Variants in COL23A1 observed in about 807,000 individuals in gnomAD.
COL23A1 encodes the protein collagen alpha-1(XXIII) chain.
A neutral mutation model predicts 99.3 loss-of-function variants in COL23A1; 97 were observed. The observed-to-expected ratio is 0.98, with a 90% CI of 0.83 to 1.16. The LOEUF (loss-of-function observed/expected upper bound fraction) is 1.16. Ranked by LOEUF, COL23A1 falls within the 50% of genes most tolerant of loss-of-function variation. The pLI is 0.00. For synonymous variants in COL23A1, 320 were observed against 308.2 expected (o/e 1.04, Z -0.40); for missense variants, 762 against 757.4 (o/e 1.01, Z -0.07).
rs555838363 is a variant in COL23A1 at position 178,313,362 on chromosome 5, T to C, written c.362-6443A>G. On this transcript the variant is annotated intron_variant, in intron 2 of 28. Transcript: ENST00000390654. This position sits in a 1 kb window ranked among gnomAD's most constrained non-coding sequence, Gnocchi z 4.2. ...AAGACGGGAAATGTTATGGTATGTG[T>C]ATTTTATCACAATTAAAGAAAACAA... Among the ~76,000 whole-genome samples, 20 of 152,302 alleles carry C rather than the reference T, an allele frequency of 1.3e-4. 1 individual carries two copies. In the South Asian group the frequency reaches 3.9e-3, roughly 30 times the overall value.
At chr5:178,581,580 A>C (rs1763663239) in intron 1 of COL23A1, among the ~76,000 whole-genome samples, 1 of 151,250 alleles carries the variant, frequency 6.6e-6, no homozygotes, top group African/African-American at 2.5e-5. Context: ...AAAAAAAAAA[A>C]AATTAAAACG....
intron 2 of COL23A1, among the ~76,000 whole-genome samples, chr5:178,495,617 T>C (rs1758156456): frequency 1.3e-5 from 2 of 151,756 alleles, no homozygotes; most frequent in African/African-American, 4.8e-5. Flanking sequence ...CCTCAGATTA[T>C]GAGGGAGGCT....
At chr5:178,577,121 G>A (rs918968211) in intron 1 of COL23A1, among the ~76,000 whole-genome samples, 25 of 152,132 alleles carry the variant, frequency 1.6e-4, no homozygotes, top group African/African-American at 5.8e-4. Flanking sequence ...GGCGCTCCTC[G>A]CTCAGCCCAA....
intron 2 of COL23A1, among the ~76,000 whole-genome samples, chr5:178,436,543 C>T (rs1258158184): frequency 6.6e-6 from 1 of 152,200 alleles, no homozygotes; most frequent in East Asian, 1.9e-4. Context: ...ACTGTGTGTT[C>T]TTCCCAAAAT....
chr5:178,300,555 C>CTT (rs545299945), intron 3 of COL23A1, among the ~76,000 whole-genome samples: 3 of 143,924 alleles, frequency 2.1e-5, no homozygotes, highest in African/African-American at 5.1e-5. Flanking sequence ...TTTCAAGATT[C>CTT]TTTTTTTTTT....
At chr5:178,241,476 T>C (rs1203893159) in intron 27 of COL23A1, among the ~76,000 whole-genome samples, 1 of 152,104 alleles carries the variant, frequency 6.6e-6, no homozygotes, top group Non-Finnish European at 1.5e-5. Flanking sequence ...CCGTCTGTGC[T>C]TGGGGAAGCT....
chr5:178,428,064 C>T lies in COL23A1; in HGVS notation c.362-121145G>A, dbSNP rs1766048513. Reference sequence around the variant, plus strand: ...AAGGAGTATTAGGAAGCCAATTTGGCTCTGGTCCAAGCCCTCTCCTCCAGT... The same window carrying T: ...AAGGAGTATTAGGAAGCCAATTTGGTTCTGGTCCAAGCCCTCTCCTCCAGT... On this transcript the variant is annotated intron_variant, in intron 2 of 28. Coordinates refer to ENST00000390654, the MANE Select transcript of COL23A1 (RefSeq NM_173465.4). The surrounding 1 kb of genome is among the most constrained non-coding windows in gnomAD (Gnocchi z 5.0). Among the ~76,000 whole-genome samples the T allele has an allele frequency of 6.6e-6, 1 of 152,258 alleles. No homozygotes were observed. Among genetic ancestry groups the T allele is most frequent in the Non-Finnish European group, 1.5e-5 (1 of 68,014 alleles).
chr5:178,338,438 A>T (rs1760467833), intron 2 of COL23A1, among the ~76,000 whole-genome samples: 1 of 152,198 alleles, frequency 6.6e-6, no homozygotes, highest in African/African-American at 2.4e-5. Flanking sequence ...CGCAAAGAGC[A>T]TGGTACTGTG....
chr5:178,562,985 C>A (rs1762678928), intron 1 of COL23A1, among the ~76,000 whole-genome samples: 2 of 152,176 alleles, frequency 1.3e-5, no homozygotes, highest in South Asian at 4.1e-4. Context: ...GTGCATTTTA[C>A]AAACCTCTTG....
intron 2 of COL23A1, among the ~76,000 whole-genome samples, chr5:178,360,345 C>T (rs1325145982): frequency 6.6e-6 from 1 of 152,194 alleles, no homozygotes; most frequent in African/African-American, 2.4e-5. Flanking sequence ...TATTAGATTG[C>T]AAAATCTTTT....
In COL23A1 at chr5:178,560,755, CG is replaced by C. The variant is rs1266345802; in HGVS notation, c.295-8del. 3.1e-6 allele frequency: 5 copies of C among 1,593,570 alleles called. No individual in the cohort carries two copies. Among genetic ancestry groups the C allele is most frequent in the East Asian group, 2.2e-5 (1 of 44,552 alleles). ...TCGCTAGTCCGTCCAACTTCTGAGC[CG>C]GAAAAAAAAAAAGAAAAAAAACGAG... On this transcript the variant is annotated splice_polypyrimidine_tract_variant and splice_region_variant and intron_variant, in intron 1 of 28. Transcript: ENST00000390654.
At chr5:178,259,796 A>G in intron 11 of COL23A1, 49 bp from the exon 12 acceptor site, 1 of 1,551,806 alleles carries the variant, frequency 6.4e-7, no homozygotes, top group Non-Finnish European at 8.8e-7. Context: ...ACCATAGGAG[A>G]GTGGCCCGGA....
At chr5:178,250,835 G>C (rs1329938557) in intron 17 of COL23A1, among the ~76,000 whole-genome samples, 3 of 152,002 alleles carry the variant, frequency 2.0e-5, no homozygotes, top group Admixed American at 6.5e-5. Context: ...ATAAAAATTA[G>C]CTGGGCTTGG....
At position 178,408,987 on chromosome 5, in the gene COL23A1, C is replaced by A. The variant is rs868293927; in HGVS notation, c.362-102068G>T. Among the ~76,000 whole-genome samples, 163 of 129,312 alleles carry A rather than the reference C, an allele frequency of 1.3e-3. 2 individuals are homozygous for A. Among genetic ancestry groups the A allele is most frequent in the Middle Eastern group, 7.6e-3 (2 of 264 alleles). The allele number at this position is 129,312 out of a possible 152,430, so 84.8% of individuals were successfully genotyped here. On this transcript the variant is annotated intron_variant, in intron 2 of 28. Transcript: ENST00000390654. ...AAAAAAAAAAAAATACACACACACA[C>A]ACACACACACACACACACACACACA...
Position 178,277,304 on chromosome 5 carries a change from T to C in COL23A1, c.442-6941A>G, listed in dbSNP as rs1260571226. ...TTGCTTAAACCGTGGAGGTTGAGGC[T>C]GCAGTGAGCTATGATGGCACCACTA... is the stretch of plus-strand genomic sequence containing the variant. On this transcript the variant is annotated intron_variant, in intron 5 of 28. Coordinates refer to ENST00000390654, the MANE Select transcript of COL23A1 (RefSeq NM_173465.4). Among the ~76,000 whole-genome samples, 3 of 152,086 alleles carry C rather than the reference T, an allele frequency of 2.0e-5. No homozygotes were observed. The East Asian group carries it at 5.8e-4, about 29-fold the overall frequency.
At chr5:178,477,866 A>G (rs528440454) in intron 2 of COL23A1, among the ~76,000 whole-genome samples, 1 of 152,334 alleles carries the variant, frequency 6.6e-6, no homozygotes, top group Admixed American at 6.5e-5. Context: ...GATGCTTGCG[A>G]GAGCCGTAGG....
At chr5:178,326,789 G>A (rs542294747) in intron 2 of COL23A1, among the ~76,000 whole-genome samples, 4 of 152,288 alleles carry the variant, frequency 2.6e-5, no homozygotes, top group Admixed American at 6.5e-5. Context: ...GCGCGATTTC[G>A]GCTCACTGCA....
intron 1 of COL23A1, among the ~76,000 whole-genome samples, chr5:178,580,148 T>A (rs903027312): frequency 7.2e-5 from 11 of 152,044 alleles, no homozygotes; most frequent in African/African-American, 2.7e-4. Flanking sequence ...GCCAACATGG[T>A]GAAACTCCAT....
chr5:178,345,587 A>G (rs765974187), intron 2 of COL23A1, among the ~76,000 whole-genome samples: 2 of 149,744 alleles, frequency 1.3e-5, no homozygotes, highest in Non-Finnish European at 3.0e-5. Context: ...CGCGATCTCG[A>G]CTCACTGCAA....
Sources: gnomAD v4.1 joint callset for allele counts (sites outside exome capture counted in the v4.1 genomes callset) on GRCh38, gnomAD v4.1.1 for gene constraint, Gnocchi (gnomAD v3.1) non-coding constraint, MANE v1.5 for transcripts, NCBI Gene and HGNC (gene_info 2026-07-23, HGNC 2026-07-21) for gene names.